The following MYO5A variants were observed in gnomAD, a reference collection of about 807,000 sequenced individuals.
The protein encoded by MYO5A is unconventional myosin-Va.
In MYO5A, 98 loss-of-function variants were observed where a neutral mutation model predicts 249.7. The ratio of observed to expected loss-of-function variants is 0.39; its 90% confidence interval spans 0.33 to 0.46. MYO5A has a LOEUF of 0.46. Among genes scored for constraint, MYO5A ranks in the 20% least tolerant of loss-of-function variants. The pLI is 0.98. For missense variants in MYO5A, 1,696 were observed against 2,308.8 expected (o/e 0.73, Z 5.44); for synonymous variants, 778 against 810.6 (o/e 0.96, Z 0.68).
chr15:52,392,246 C>T lies in MYO5A; in HGVS notation c.1402-176G>A, dbSNP rs186001347. The stretch of plus-strand genomic sequence containing the variant: ...TAAAACAACAGGAAAACCTCAGCTA[C>T]GTAGGATTCTTGGTAAACAAGTAAA... On this transcript the variant is annotated intron_variant, in intron 11 of 41. Coordinates refer to ENST00000399233, the MANE Select transcript of MYO5A (RefSeq NM_001382347.1). Among the ~76,000 whole-genome samples the T allele has an allele frequency of 5.9e-5, 9 of 152,228 alleles. 1 individual carries two copies. The East Asian group carries it at 9.6e-4, about 16-fold the overall frequency.
chr15:52,312,754 T>C lies in MYO5A; in HGVS notation c.*942A>G, dbSNP rs2037823491. ...ATCTGGTAGTTAAAAATAAGTCACT[T>C]CACAGAACACTGTACCCTGACGCAA... On this transcript the variant is annotated 3_prime_UTR_variant, in exon 42 of 42. Transcript: ENST00000399233. 6.6e-6 allele frequency: 1 copy of C among 152,206 alleles called. No individual in the cohort carries two copies. 9.4% of individuals were successfully genotyped at this position (152,206 alleles called of 1,614,324 possible).
intron 12 of MYO5A, among the ~76,000 whole-genome samples, chr15:52,390,907 A>C (rs1478826676): frequency 6.6e-6 from 1 of 152,100 alleles, no homozygotes; most frequent in East Asian, 1.9e-4. Context: ...ATAATTCTAC[A>C]CACTCATTGC....
intron 35 of MYO5A, 90 bp downstream of exon 35, chr15:52,330,263 C>T (rs539941616): frequency 7.5e-5 from 114 of 1,527,040 alleles, no homozygotes; most frequent in African/African-American, 7.2e-4. Context: ...ATGAAACCTA[C>T]GCTGAATATC....
At chr15:52,405,972 C>T (rs1474436) in intron 8 of MYO5A, among the ~76,000 whole-genome samples, 22,433 of 152,098 alleles carry the variant, frequency 0.15, 1,779 homozygotes, top group Middle Eastern at 0.22. Flanking sequence ...GTCAAAGAGA[C>T]GCCAAGATTA....
rs1305622445 is a variant in MYO5A at position 52,413,225 on chromosome 15, A to G, written c.613-2749T>C. 5.3e-5 allele frequency among the ~76,000 whole-genome samples: 8 copies of G among 151,682 alleles called. 1 individual carries two copies. Among genetic ancestry groups the G allele is most frequent in the Admixed American group, 5.3e-4 (8 of 15,210 alleles). On this transcript the variant is annotated intron_variant, in intron 5 of 41. Coordinates refer to ENST00000399233, the MANE Select transcript of MYO5A (RefSeq NM_001382347.1). Reference sequence around the variant, plus strand: ...CACCCATAATCCCAGCACTTTGGGAAGCTGAGGCAGGAGGATTGTTTGAGC... The same window carrying G: ...CACCCATAATCCCAGCACTTTGGGAGGCTGAGGCAGGAGGATTGTTTGAGC...
chr15:52,335,516 CAAAAAAAAAAAAAAA>C (rs397854139), intron 34 of MYO5A, among the ~76,000 whole-genome samples: 6 of 64,052 alleles, frequency 9.4e-5, no homozygotes, highest in South Asian at 6.1e-4. Flanking sequence ...ACTCTGTCTC[CAAAAAAAAAAAAAAA>C]AAAAAAAAAA....
chr15:52,506,045 C>T (rs2077263288), intron 1 of MYO5A, among the ~76,000 whole-genome samples: 1 of 151,896 alleles, frequency 6.6e-6, no homozygotes, highest in African/African-American at 2.4e-5. Flanking sequence ...AAAACCCTCT[C>T]TCTACTAAAA....
chr15:52,410,816 TC>T (rs1209599753), intron 5 of MYO5A, among the ~76,000 whole-genome samples: 3 of 152,146 alleles, frequency 2.0e-5, no homozygotes, highest in Non-Finnish European at 4.4e-5. Flanking sequence ...GACCTTGTGA[TC>T]CACCCACCTC....
chr15:52,349,736 A>C (rs1246553184), intron 28 of MYO5A, among the ~76,000 whole-genome samples: 1 of 152,200 alleles, frequency 6.6e-6, no homozygotes, highest in Admixed American at 6.5e-5. Flanking sequence ...ATTTGTCTCA[A>C]GAAAACTAGA....
intron 13 of MYO5A, among the ~76,000 whole-genome samples, chr15:52,388,513 G>A (rs1450905924): frequency 6.6e-6 from 1 of 152,164 alleles, no homozygotes; most frequent in Admixed American, 6.5e-5. Context: ...TGGCCCTAGG[G>A]TCATCTCAAG....
Position 52,308,068 on chromosome 15 carries a change from T to C in MYO5A, c.*5628A>G, listed in dbSNP as rs2037672179. On this transcript the variant is annotated 3_prime_UTR_variant, in exon 42 of 42. Transcript: ENST00000399233. ...CTCTGAAAAATGCATAAAAATATAC[T>C]AACCTGCCAAGCACTGAATTATATA... 6.6e-6 allele frequency: 1 copy of C among 152,178 alleles called. No individual in the cohort carries two copies. Among genetic ancestry groups the C allele is most frequent in the Admixed American group, 6.5e-5 (1 of 15,286 alleles). 9.4% of individuals were successfully genotyped at this position (152,178 alleles called of 1,614,324 possible).
intron 34 of MYO5A, among the ~76,000 whole-genome samples, chr15:52,331,027 T>G (rs182760301): frequency 5.7e-4 from 87 of 152,310 alleles, no homozygotes; most frequent in African/African-American, 1.8e-3. Flanking sequence ...CACATACAGA[T>G]AGCTGGTAGA....
At chr15:52,374,810 G>T (rs907648117) in intron 20 of MYO5A, among the ~76,000 whole-genome samples, 1 of 152,320 alleles carries the variant, frequency 6.6e-6, no homozygotes, top group East Asian at 1.9e-4. Flanking sequence ...AACTCTGAGA[G>T]AATTAATTTT....
chr15:52,336,388 A>C lies in MYO5A; in HGVS notation c.4408+75T>G, dbSNP rs57741577. On this transcript the variant is annotated intron_variant, in intron 34 of 41. Transcript: ENST00000399233. ...TTTGCATGCAAACCTCTATTAGGCCACTTATATAGCCTAGTCTTTAAGCCA... is the reference window on the plus strand; with the variant it reads ...TTTGCATGCAAACCTCTATTAGGCCCCTTATATAGCCTAGTCTTTAAGCCA... 2.5e-4 allele frequency: 251 copies of C among 996,628 alleles called. 1 individual carries two copies. The African/African-American group carries it at 3.5e-3, about 14-fold the overall frequency. 61.7% of individuals were successfully genotyped at this position (996,628 alleles called of 1,614,324 possible). A position where few individuals can be genotyped will look rare whatever the true frequency, so the allele number is the denominator to read the frequency against.
At chr15:52,405,455 C>T in intron 8 of MYO5A, 62 bp from the exon 9 acceptor site, 1 of 1,254,874 alleles carries the variant, frequency 8.0e-7, no homozygotes, top group Non-Finnish European at 1.2e-6. Context: ...ACAATTACAG[C>T]AGACAATTTT....
intron 11 of MYO5A, among the ~76,000 whole-genome samples, chr15:52,396,105 AT>A (rs2042474316): frequency 6.6e-6 from 1 of 152,212 alleles, no homozygotes; most frequent in Non-Finnish European, 1.5e-5. Flanking sequence ...AATTTTCGTT[AT>A]TATCAGACTG....
intron 1 of MYO5A, among the ~76,000 whole-genome samples, chr15:52,498,038 A>C (rs1296083636): frequency 6.6e-6 from 1 of 152,168 alleles, no homozygotes; most frequent in African/African-American, 2.4e-5. Flanking sequence ...CATTCCAAGA[A>C]GCTACAAAAA....
rs938802692 is a variant in MYO5A at position 52,336,564 on chromosome 15, T to A, written c.4315-8A>T. 1.9e-6 allele frequency: 3 copies of A among 1,582,944 alleles called. No homozygotes were observed. In the African/African-American group the frequency reaches 4.0e-5, roughly 21 times the overall value. On this transcript the variant is annotated splice_region_variant and splice_polypyrimidine_tract_variant and intron_variant, in intron 33 of 41. Coordinates refer to ENST00000399233, the MANE Select transcript of MYO5A (RefSeq NM_001382347.1). ...AAGTTGTTCCATCAAATCCTAAAGA[T>A]CAAAAAGAGAAATATATTAGAAAAA... is the stretch of plus-strand genomic sequence containing the variant.
At chr15:52,359,515 A>T (rs1370586918) in intron 25 of MYO5A, among the ~76,000 whole-genome samples, 1 of 152,202 alleles carries the variant, frequency 6.6e-6, no homozygotes, top group African/African-American at 2.4e-5. Context: ...CAGTTTTGCT[A>T]AACTCTGGGG....
Sources: allele counts gnomAD v4.1 joint callset (sites outside exome capture counted in the v4.1 genomes callset), GRCh38; gene constraint gnomAD v4.1.1; transcripts MANE v1.5; gene names NCBI Gene and HGNC (gene_info 2026-07-23, HGNC 2026-07-21).